Variants in RAB33B observed in about 807,000 individuals in gnomAD.
The protein encoded by RAB33B is RAB33B, member RAS oncogene family, also known as ras-related protein Rab-33B.
RAB33B carries 6 observed loss-of-function variants against 15.0 expected under a neutral mutation model. That is an observed-to-expected ratio of 0.40 (90% confidence interval 0.22 to 0.79). RAB33B has a LOEUF of 0.79. RAB33B is among the 30% of genes least tolerant of loss of function. The probability of loss-of-function intolerance (pLI) is 0.37; values close to 1 mark genes in which losing one functional copy is unlikely to be tolerated. For missense variants in RAB33B, 257 were observed against 296.4 expected (o/e 0.87, Z 0.98); for synonymous variants, 117 against 108.3 (o/e 1.08, Z -0.50).
intron 1 of RAB33B, among the ~76,000 whole-genome samples, chr4:139,461,732 C>G (rs1019460991): frequency 5.3e-5 from 8 of 152,074 alleles, no homozygotes; most frequent in African/African-American, 1.2e-4. Context: ...ACTGCTTGCT[C>G]TCTTCCTTAT....
At chr4:139,439,924 A>G in the RAB33B span, among the ~76,000 whole-genome samples, 1 of 152,096 alleles carries the variant, frequency 6.6e-6, no homozygotes, top group Non-Finnish European at 1.5e-5. Context: ...GTTCATAAAT[A>G]ATTTTCTTGA....
At chr4:139,467,530 T>C (rs938843538) in intron 1 of RAB33B, among the ~76,000 whole-genome samples, 4 of 151,480 alleles carry the variant, frequency 2.6e-5, no homozygotes, top group African/African-American at 9.7e-5. Flanking sequence ...GAGAATGGGG[T>C]ATTCATCCCC....
chr4:139,465,167 G>T lies in RAB33B; in HGVS notation c.250-7519G>T, dbSNP rs576270301. On this transcript the variant is annotated intron_variant, in intron 1 of 1. Coordinates refer to ENST00000305626, the MANE Select transcript of RAB33B (RefSeq NM_031296.3). ...ATGATGAGCATTTTTTCATGTGTCT[G>T]TTGGCTGCATAAATGTCTTCTTTTG... Among the ~76,000 whole-genome samples, 6 of 152,296 alleles carry T rather than the reference G, an allele frequency of 3.9e-5. No individual in the cohort carries two copies. The East Asian group carries it at 7.7e-4, about 20-fold the overall frequency.
At chr4:139,443,455 T>C in the RAB33B span, among the ~76,000 whole-genome samples, 5 of 152,228 alleles carry the variant, frequency 3.3e-5, no homozygotes, top group Non-Finnish European at 5.9e-5. Context: ...CTAAGTTCAC[T>C]GGACAAAGTG....
At position 139,454,323 on chromosome 4, in the gene RAB33B, A is replaced by G. The variant is rs371561776; in HGVS notation, c.128A>G (p.Asn43Ser). Residue 43 changes from asparagine to serine, a missense_variant, in exon 1 of 2, where the codon AAT (asparagine) becomes AGT (serine). Transcript: ENST00000305626. ...AAGATAATCGTGATCGGCGACTCCAATGTGGGCAAGACATGCCTGACCTAC... is the reference window on the plus strand; with the variant it reads ...AAGATAATCGTGATCGGCGACTCCAGTGTGGGCAAGACATGCCTGACCTAC... ...IFKIIVIGDS[N>S]VGKTCLTYRF... The G allele has an allele frequency of 1.7e-4, 281 of 1,614,080 alleles. 3 individuals carry two copies. The highest frequency in any genetic ancestry group is 7.8e-4 in the South Asian group (71 of 91,080).
intron 1 of RAB33B, among the ~76,000 whole-genome samples, chr4:139,455,148 A>G (rs1046071020): frequency 2.0e-5 from 3 of 152,182 alleles, no homozygotes; most frequent in African/African-American, 7.2e-5. Flanking sequence ...ACACTGAGTG[A>G]CAGTAATAGT....
intron 1 of RAB33B, among the ~76,000 whole-genome samples, chr4:139,465,734 T>G (rs1286084609): frequency 7.3e-6 from 1 of 137,348 alleles, no homozygotes; most frequent in Non-Finnish European, 1.5e-5. Flanking sequence ...TTTTTTTTTT[T>G]TTTTGTTTTT....
intron 1 of RAB33B, among the ~76,000 whole-genome samples, chr4:139,469,364 C>T (rs1422660237): frequency 6.6e-6 from 1 of 152,168 alleles, no homozygotes; most frequent in Non-Finnish European, 1.5e-5. Context: ...ATGCATTCTT[C>T]AAGAATCTCT....
chr4:139,454,035 G>A, upstream of RAB33B: 1 of 804,918 alleles, frequency 1.2e-6, no homozygotes, highest in Non-Finnish European at 1.9e-6. Context: ...GGCAAGGGCG[G>A]GGCGGGAAGG....
At chr4:139,457,956 CT>C (rs1440597858) in intron 1 of RAB33B, among the ~76,000 whole-genome samples, 3 of 152,136 alleles carry the variant, frequency 2.0e-5, no homozygotes, top group South Asian at 2.1e-4. Context: ...AGTTCAAGTC[CT>C]TTTTTTAACC....
At position 139,475,299 on chromosome 4, in the gene RAB33B, A is replaced by T. The variant is rs1422385584; in HGVS notation, c.*2173A>T. On this transcript the variant is annotated 3_prime_UTR_variant, in exon 2 of 2. Transcript: ENST00000305626. ...TAAAGTGGGGGAAGAAAGTTTATAGACTTTCCAAGCACATTTATGGTTTTT... is the reference window on the plus strand; with the variant it reads ...TAAAGTGGGGGAAGAAAGTTTATAGTCTTTCCAAGCACATTTATGGTTTTT... 2.0e-4 allele frequency: 30 copies of T among 152,138 alleles called. No individual in the cohort carries two copies. The highest frequency in any genetic ancestry group is 1.3e-4 in the Non-Finnish European group (9 of 67,902). The allele number at this position is 152,138 out of a possible 1,614,324, so 9.4% of individuals were successfully genotyped here.
upstream of RAB33B, chr4:139,454,112 T>A (rs1052970617): frequency 2.0e-6 from 3 of 1,479,294 alleles, no homozygotes; most frequent in African/African-American, 4.2e-5. Flanking sequence ...ACTGGCCGGC[T>A]GGGCGCGCGC....
chr4:139,442,831 C>T, the RAB33B span, among the ~76,000 whole-genome samples: 5 of 151,980 alleles, frequency 3.3e-5, no homozygotes, highest in Admixed American at 2.0e-4. Context: ...CTAGAGAAAC[C>T]TAATACAGAT....
At chr4:139,467,609 C>T (rs1430398125) in intron 1 of RAB33B, among the ~76,000 whole-genome samples, 2 of 151,808 alleles carry the variant, frequency 1.3e-5, no homozygotes, top group East Asian at 1.9e-4. Context: ...GTAATCCCAG[C>T]ACTTTGGGAG....
At chr4:139,445,173 G>T in the RAB33B span, among the ~76,000 whole-genome samples, 320 of 152,362 alleles carry the variant, frequency 2.1e-3, 2 homozygotes, top group African/African-American at 7.5e-3. Flanking sequence ...TGTAGCCATT[G>T]ACTTGGCAAA....
chr4:139,463,569 C>T (rs1750213689), intron 1 of RAB33B, among the ~76,000 whole-genome samples: 1 of 152,184 alleles, frequency 6.6e-6, no homozygotes, highest in African/African-American at 2.4e-5. Context: ...CCTAATTTAA[C>T]ATTTACCAGA....
upstream of RAB33B, chr4:139,448,591 T>G (rs1212947127): frequency 2.6e-5 from 4 of 152,146 alleles, no homozygotes; most frequent in Non-Finnish European, 4.4e-5. Flanking sequence ...TGCACCACCA[T>G]GCCTGGCTAA....
intron 1 of RAB33B, among the ~76,000 whole-genome samples, chr4:139,470,817 A>G (rs1440565866): frequency 1.3e-5 from 2 of 152,030 alleles, no homozygotes; most frequent in Non-Finnish European, 2.9e-5. Flanking sequence ...AGGTGTATCT[A>G]GAAATGTCGT....
rs778816817 is a variant in RAB33B, at chr4:139,475,946, G to T, written c.*2820G>T. 2.0e-4 allele frequency: 31 copies of T among 152,062 alleles called. No individual in the cohort carries two copies. Among genetic ancestry groups the T allele is most frequent in the Admixed American group, 1.3e-3 (20 of 15,256 alleles). 9.4% of individuals were successfully genotyped at this position (152,062 alleles called of 1,614,324 possible). On this transcript the variant is annotated 3_prime_UTR_variant, in exon 2 of 2. Transcript: ENST00000305626. ...GTTTTATTTTCTTTGTTTGGTTACT[G>T]GGTAGAGTATAAAATAAAACAATCT...
Sources: allele counts gnomAD v4.1 joint callset (sites outside exome capture counted in the v4.1 genomes callset), GRCh38; gene constraint gnomAD v4.1.1; transcripts MANE v1.5; gene names NCBI Gene and HGNC (gene_info 2026-07-23, HGNC 2026-07-21).